Variants in ANKRD31 observed in about 807,000 individuals in gnomAD.
ANKRD31 encodes ankyrin repeat domain 31.
In ANKRD31, 147 loss-of-function variants were observed where a neutral mutation model predicts 186.0. The observed-to-expected ratio is 0.79, with a 90% confidence interval of 0.69 to 0.91. The LOEUF (loss-of-function observed/expected upper bound fraction) is 0.91, where lower values mean the gene tolerates loss of function less well. Ranked by LOEUF, ANKRD31 falls within the 40% of genes least tolerant of loss-of-function variation. ANKRD31 has a pLI of 0.00. For missense variants in ANKRD31, 1,986 were observed against 2,148.8 expected (o/e 0.92, Z 1.50); for synonymous variants, 673 against 736.4 (o/e 0.91, Z 1.39).
intron 10 of ANKRD31, among the ~76,000 whole-genome samples, chr5:75,173,908 C>G (rs1753563086): frequency 6.6e-6 from 1 of 152,048 alleles, no homozygotes; most frequent in African/African-American, 2.4e-5. Flanking sequence ...CAAAAAATAG[C>G]CTGCATAGCC....
intron 17 of ANKRD31, among the ~76,000 whole-genome samples, chr5:75,122,144 G>C (rs1385469398): frequency 6.6e-6 from 1 of 151,710 alleles, no homozygotes; most frequent in Non-Finnish European, 1.5e-5. Context: ...TGATACCACA[G>C]AGATACAAAA....
intron 7 of ANKRD31, among the ~76,000 whole-genome samples, chr5:75,195,374 C>T (rs1215440066): frequency 6.6e-6 from 1 of 151,884 alleles, no homozygotes; most frequent in Admixed American, 6.6e-5. Flanking sequence ...ATTTTCATTT[C>T]CTAACTCCTC....
At chr5:75,127,921 T>C (rs1002872311) in intron 17 of ANKRD31, among the ~76,000 whole-genome samples, 22 of 152,222 alleles carry the variant, frequency 1.4e-4, no homozygotes, top group African/African-American at 5.3e-4. Flanking sequence ...TTTTTAAATT[T>C]TCAACTTCCA....
chr5:75,078,675 C>A (rs138809418), intron 25 of ANKRD31, among the ~76,000 whole-genome samples: 1 of 151,960 alleles, frequency 6.6e-6, no homozygotes, highest in African/African-American at 2.4e-5. Flanking sequence ...AATAATGAAA[C>A]GTGATCTATC....
At chr5:75,189,328 T>C (rs897334242) in intron 9 of ANKRD31, among the ~76,000 whole-genome samples, 18 of 152,332 alleles carry the variant, frequency 1.2e-4, no homozygotes, top group Middle Eastern at 3.4e-3. Context: ...TTTCAAATCC[T>C]GTCAGTTTGG....
chr5:75,187,706 C>T (rs1754832228), intron 10 of ANKRD31, among the ~76,000 whole-genome samples: 1 of 152,042 alleles, frequency 6.6e-6, no homozygotes, highest in South Asian at 2.1e-4. Context: ...TGTTAAAATC[C>T]TGATTATAGT....
intron 17 of ANKRD31, among the ~76,000 whole-genome samples, chr5:75,121,574 A>G (rs978870846): frequency 6.6e-6 from 1 of 152,178 alleles, no homozygotes; most frequent in Admixed American, 6.5e-5. Context: ...ACTAGCCTCA[A>G]TAAAAATGGA....
intron 11 of ANKRD31, among the ~76,000 whole-genome samples, chr5:75,162,479 G>A (rs1752635374): frequency 6.6e-6 from 1 of 152,180 alleles, no homozygotes; most frequent in South Asian, 2.1e-4. Context: ...AGGTGGAAGG[G>A]ACTTGTCTTG....
chr5:75,113,338 A>G (rs1231538509), intron 19 of ANKRD31, among the ~76,000 whole-genome samples: 1 of 152,170 alleles, frequency 6.6e-6, no homozygotes, highest in Non-Finnish European at 1.5e-5. Context: ...ATCATATAAA[A>G]CCCATCTCAT....
intron 6 of ANKRD31, among the ~76,000 whole-genome samples, chr5:75,197,012 TG>T (rs5868767): frequency 0.037 from 5,586 of 152,214 alleles, 330 homozygotes; most frequent in African/African-American, 0.13. Context: ...GTGATTCTCC[TG>T]CCTCAGCCTC....
At chr5:75,074,834 A>G (rs1195785571) in intron 25 of ANKRD31, among the ~76,000 whole-genome samples, 1 of 152,236 alleles carries the variant, frequency 6.6e-6, no homozygotes, top group Admixed American at 6.5e-5. Context: ...TAAGAGCATT[A>G]AAATTATTTG....
intron 24 of ANKRD31, among the ~76,000 whole-genome samples, chr5:75,081,781 G>C (rs1561399374): frequency 6.6e-6 from 1 of 151,938 alleles, no homozygotes; most frequent in African/African-American, 2.4e-5. Flanking sequence ...AGAGGATAGA[G>C]TACTTTAGCA....
At chr5:75,152,598 GAA>G (rs1391983400) in intron 12 of ANKRD31, among the ~76,000 whole-genome samples, 18 of 151,900 alleles carry the variant, frequency 1.2e-4, no homozygotes, top group African/African-American at 3.9e-4. Context: ...TGAATGGAAA[GAA>G]TTTGTTTTTG....
At chr5:75,117,812 C>T (rs1748421189) in intron 18 of ANKRD31, among the ~76,000 whole-genome samples, 1 of 151,998 alleles carries the variant, frequency 6.6e-6, no homozygotes, top group African/African-American at 2.4e-5. Flanking sequence ...CGCCCTTTTC[C>T]AGCCCTACTA....
At chr5:75,178,166 T>A (rs1172019429) in intron 10 of ANKRD31, among the ~76,000 whole-genome samples, 1 of 152,194 alleles carries the variant, frequency 6.6e-6, no homozygotes, top group Non-Finnish European at 1.5e-5. Flanking sequence ...AAGTGATCAA[T>A]TCAACAAGAA....
rs561635841 is a variant in ANKRD31, at chr5:75,130,809, G to T, written c.3876+7047C>A. ...TACAATCCTTTAGCTAGACAGAAAA[G>T]TTCTCCAAGTCCCCACCCATCCCAG... On this transcript the variant is annotated intron_variant, in intron 17 of 25. Transcript: ENST00000506364. Among the ~76,000 whole-genome samples the T allele has an allele frequency of 5.9e-5, 9 of 152,270 alleles. No individual in the cohort carries two copies. In the South Asian group the frequency reaches 1.7e-3, roughly 28 times the overall value.
intron 9 of ANKRD31, among the ~76,000 whole-genome samples, chr5:75,191,708 T>A (rs1036097529): frequency 6.6e-6 from 1 of 152,090 alleles, no homozygotes; most frequent in Non-Finnish European, 1.5e-5. Flanking sequence ...TTTATTCAAG[T>A]ATTTTTTACA....
In ANKRD31 at chr5:75,222,425, T is replaced by C. The variant is rs1757360852; in HGVS notation, c.179-67A>G. Reference sequence around the variant, plus strand: ...TTGCTCTGCTTTGATAATGGCCCAATAATTTTATACGCATGCAAAATGTTA... The same window carrying C: ...TTGCTCTGCTTTGATAATGGCCCAACAATTTTATACGCATGCAAAATGTTA... On this transcript the variant is annotated intron_variant, in intron 2 of 25. Coordinates refer to ENST00000506364, the MANE Select transcript of ANKRD31 (RefSeq NM_001372053.1). 4 of 1,111,062 alleles carry C rather than the reference T, an allele frequency of 3.6e-6. No homozygotes were observed. The South Asian group carries it at 5.8e-5, about 16-fold the overall frequency. The allele number at this position is 1,111,062 out of a possible 1,614,324, so 68.8% of individuals were successfully genotyped here.
At chr5:75,160,609 A>T (rs1580455022) in intron 11 of ANKRD31, among the ~76,000 whole-genome samples, 1 of 152,320 alleles carries the variant, frequency 6.6e-6, no homozygotes, top group African/African-American at 2.4e-5. Flanking sequence ...ATAACAAACA[A>T]GATGAAAGTC....
Sources: allele counts gnomAD v4.1 joint callset (sites outside exome capture counted in the v4.1 genomes callset), GRCh38; gene constraint gnomAD v4.1.1; transcripts MANE v1.5; gene names NCBI Gene and HGNC (gene_info 2026-07-23, HGNC 2026-07-21).